The following ADGRB3 variants were observed in gnomAD, a reference collection of about 807,000 sequenced individuals.
The protein encoded by ADGRB3 is adhesion G protein-coupled receptor B3.
ADGRB3 carries 37 observed loss-of-function variants against 193.4 expected under a neutral mutation model. The ratio of observed to expected loss-of-function variants is 0.19; its 90% CI spans 0.15 to 0.25. ADGRB3 has a LOEUF of 0.25. Ranked by LOEUF, ADGRB3 falls within the 10% of genes least tolerant of loss-of-function variation. The pLI is 1.00. For synonymous variants in ADGRB3, 690 were observed against 644.2 expected, an observed-to-expected ratio of 1.07 and a Z score of -1.08; for missense variants, 1,637 against 1,852.9, an observed-to-expected ratio of 0.88 and a Z score of 2.14.
chr6:68,811,161 A>G (rs1767505883), intron 3 of ADGRB3, among the ~76,000 whole-genome samples: 1 of 152,112 alleles, frequency 6.6e-6, no homozygotes. Context: ...ATGCCTGAAC[A>G]TACCCACTAT....
intron 11 of ADGRB3, among the ~76,000 whole-genome samples, chr6:69,008,926 A>G (rs1017252253): frequency 6.6e-6 from 1 of 152,148 alleles, no homozygotes; most frequent in Non-Finnish European, 1.5e-5. Context: ...TTCCCTGGAC[A>G]TAAGGAGAGC....
intron 6 of ADGRB3, among the ~76,000 whole-genome samples, chr6:68,949,248 C>G (rs571479988): frequency 1.3e-5 from 2 of 152,154 alleles, no homozygotes; most frequent in Non-Finnish European, 2.9e-5. Flanking sequence ...AAGAAATACC[C>G]TCATACAAGC....
chr6:68,765,574 A>ACACACACC (rs1477564686), intron 3 of ADGRB3, among the ~76,000 whole-genome samples: 1 of 151,374 alleles, frequency 6.6e-6, no homozygotes. Flanking sequence ...ACACACACAC[A>ACACACACC]CACCTGGAGC....
intron 20 of ADGRB3, among the ~76,000 whole-genome samples, chr6:69,291,589 T>C (rs1233196845): frequency 6.6e-6 from 1 of 152,148 alleles, no homozygotes; most frequent in African/African-American, 2.4e-5. Flanking sequence ...ATATTCAGAA[T>C]TGGGTTACTC....
rs1768020690 is a variant in ADGRB3 at position 68,639,122 on chromosome 6, G to T, written c.447G>T (p.Gln149His). 2 of 1,614,030 alleles carry T rather than the reference G, an allele frequency of 1.2e-6. No homozygotes were observed. Among genetic ancestry groups the T allele is most frequent in the Non-Finnish European group, 1.7e-6 (2 of 1,180,034 alleles). Residue 149 changes from glutamine (Q) to histidine (H), a missense_variant, in exon 3 of 32, where the codon CAG becomes CAT. Gln to His is a conservative substitution (Grantham distance 24). Around this residue, in one of 7 missense-constraint regions of ADGRB3, gnomAD observed 365 missense variants for 409.8 expected, o/e 0.89. Transcript: ENST00000370598. ...PGLQKKGEED[Q>H]KSFFEFLVLN... is the part of the protein sequence containing the mutation. ...TACAGAAAAAAGGGGAAGAAGATCA[G>T]AAATCTTTTTTTGAGTTTTTGGTAT... is the stretch of plus-strand genomic sequence containing the variant.
At chr6:68,872,034 T>A (rs559272565) in intron 3 of ADGRB3, among the ~76,000 whole-genome samples, 1 of 134,736 alleles carries the variant, frequency 7.4e-6, no homozygotes, top group South Asian at 2.4e-4. Flanking sequence ...ACGGTTTTTG[T>A]GATTAAGTTA....
chr6:68,663,669 T>G (rs1240711505), intron 3 of ADGRB3, among the ~76,000 whole-genome samples: 1 of 151,798 alleles, frequency 6.6e-6, no homozygotes, highest in Admixed American at 6.6e-5. Flanking sequence ...AATAGAAACT[T>G]TTGAAGCTTT....
At chr6:68,902,385 G>T (rs1766420469) in intron 3 of ADGRB3, among the ~76,000 whole-genome samples, 1 of 151,946 alleles carries the variant, frequency 6.6e-6, no homozygotes, top group African/African-American at 2.4e-5. Flanking sequence ...AGTGTCAAGT[G>T]ATTTTCATTT....
chr6:68,782,522 G>T (rs1427915811), intron 3 of ADGRB3, among the ~76,000 whole-genome samples: 1 of 152,018 alleles, frequency 6.6e-6, no homozygotes, highest in Non-Finnish European at 1.5e-5. Flanking sequence ...GATATTTCTA[G>T]TTCTAGATCC....
At chr6:68,819,335 A>G (rs968125138) in intron 3 of ADGRB3, among the ~76,000 whole-genome samples, 3 of 151,882 alleles carry the variant, frequency 2.0e-5, no homozygotes, top group African/African-American at 7.3e-5. Flanking sequence ...GGTATGTTTT[A>G]TGGCACCTTT....
At chr6:68,860,510 T>A (rs1765122216) in intron 3 of ADGRB3, among the ~76,000 whole-genome samples, 1 of 152,202 alleles carries the variant, frequency 6.6e-6, no homozygotes, top group Admixed American at 6.5e-5. Flanking sequence ...TTCTGAATTA[T>A]TTCACTTAGG....
chr6:68,948,113 G>T (rs994181483), intron 6 of ADGRB3, among the ~76,000 whole-genome samples: 13 of 152,112 alleles, frequency 8.5e-5, no homozygotes, highest in Non-Finnish European at 1.8e-4. Flanking sequence ...TCTAGGTGAA[G>T]GGAAGACCAG....
chr6:68,674,994 G>A (rs1409419703), intron 3 of ADGRB3, among the ~76,000 whole-genome samples: 1 of 152,154 alleles, frequency 6.6e-6, no homozygotes, highest in Non-Finnish European at 1.5e-5. Flanking sequence ...TTGGACCCTG[G>A]TTCAGGGGAT....
At chr6:68,712,525 G>A (rs748855615) in intron 3 of ADGRB3, among the ~76,000 whole-genome samples, 10 of 151,902 alleles carry the variant, frequency 6.6e-5, no homozygotes, top group Non-Finnish European at 1.2e-4. Context: ...GAGAAATAAT[G>A]TATGAGTAAA....
intron 3 of ADGRB3, among the ~76,000 whole-genome samples, chr6:68,709,598 T>C (rs529716380): frequency 6.6e-6 from 1 of 152,308 alleles, no homozygotes; most frequent in Non-Finnish European, 1.5e-5. Flanking sequence ...GCTGGAGGTG[T>C]GGAGCTTGTC....
rs538818173 is a variant in ADGRB3 at position 68,730,723 on chromosome 6, C to G, written c.757+91291C>G. On this transcript the variant is annotated intron_variant, in intron 3 of 31. Coordinates refer to ENST00000370598, the MANE Select transcript of ADGRB3 (RefSeq NM_001704.3). ...GAGTCAATTCCATAATTTTCAACAA[C>G]TCAGTTATAAAGAGATGTAGTCAGG... Among the ~76,000 whole-genome samples the G allele has an allele frequency of 2.0e-5, 3 of 151,736 alleles. No individual in the cohort carries two copies. The South Asian group carries it at 6.2e-4, about 31-fold the overall frequency.
intron 20 of ADGRB3, among the ~76,000 whole-genome samples, chr6:69,294,157 T>A (rs1289414345): frequency 6.6e-6 from 1 of 151,024 alleles, no homozygotes; most frequent in Admixed American, 6.6e-5. Context: ...TTGACTGTAT[T>A]CTGATTGATA....
At chr6:69,110,072 C>G (rs1306956347) in intron 17 of ADGRB3, among the ~76,000 whole-genome samples, 1 of 151,568 alleles carries the variant, frequency 6.6e-6, no homozygotes, top group African/African-American at 2.4e-5. Context: ...CTCAGCACCC[C>G]GAGTAGCTGG....
At chr6:69,074,296 A>G (rs958319388) in intron 16 of ADGRB3, among the ~76,000 whole-genome samples, 3 of 152,196 alleles carry the variant, frequency 2.0e-5, no homozygotes, top group Admixed American at 2.0e-4. Context: ...ACATTTTAGA[A>G]CAGTAAGCTT....
Sources: gnomAD v4.1 joint callset for allele counts (sites outside exome capture counted in the v4.1 genomes callset) on GRCh38, gnomAD v4.1.1 for gene constraint, gnomAD v4.1.1 regional missense constraint, MANE v1.5 for transcripts, NCBI Gene and HGNC (gene_info 2026-07-23, HGNC 2026-07-21) for gene names.